Variants in CSMD1 observed in about 807,000 individuals in gnomAD.
The protein encoded by CSMD1 is CUB and sushi domain-containing protein 1.
CSMD1 carries 213 observed loss-of-function variants against 417.5 expected under a neutral mutation model. The observed-to-expected ratio is 0.51, with a 90% CI of 0.46 to 0.57. The LOEUF is 0.57. Ranked by LOEUF, CSMD1 falls within the 20% of genes least tolerant of loss-of-function variation. The pLI is 0.00. For missense variants in CSMD1, 6,923 were observed against 4,529.7 expected, an observed-to-expected ratio of 1.53 and a Z score of -15.17; for synonymous variants, 2,862 against 1,736.8, an observed-to-expected ratio of 1.65 and a Z score of -16.11.
intron 5 of CSMD1, among the ~76,000 whole-genome samples, chr8:3,856,735 G>C (rs1480807434): frequency 6.6e-6 from 1 of 152,096 alleles, no homozygotes; most frequent in Non-Finnish European, 1.5e-5. Flanking sequence ...ATCTTTCAAA[G>C]CCTGTGTTTC....
At chr8:3,266,749 T>A (rs1308855119) in intron 26 of CSMD1, among the ~76,000 whole-genome samples, 1 of 147,636 alleles carries the variant, frequency 6.8e-6, no homozygotes. Flanking sequence ...CACTCCAGCC[T>A]GGGCGAAAGA....
intron 49 of CSMD1, among the ~76,000 whole-genome samples, chr8:3,061,621 A>G (rs190989933): frequency 5.4e-4 from 83 of 152,304 alleles, no homozygotes; most frequent in Non-Finnish European, 9.6e-4. Context: ...GCACCGATCC[A>G]TATACAATAA....
At chr8:4,207,015 C>T (rs1205972013) in intron 3 of CSMD1, among the ~76,000 whole-genome samples, 2 of 152,114 alleles carry the variant, frequency 1.3e-5, no homozygotes, top group South Asian at 2.1e-4. Context: ...GATAAGATCA[C>T]ATATTCCTCT....
chr8:3,444,697 T>C (rs1470082513), intron 12 of CSMD1, among the ~76,000 whole-genome samples: 1 of 152,190 alleles, frequency 6.6e-6, no homozygotes, highest in East Asian at 1.9e-4. Flanking sequence ...GAGGAGGCTA[T>C]GAAAACTTCC....
intron 1 of CSMD1, among the ~76,000 whole-genome samples, chr8:4,760,915 T>C (rs1229962168): frequency 1.3e-5 from 2 of 152,172 alleles, no homozygotes; most frequent in Non-Finnish European, 2.9e-5. Flanking sequence ...TATGGTAGCA[T>C]ATCTTTCTCA....
intron 5 of CSMD1, among the ~76,000 whole-genome samples, chr8:3,940,036 C>T (rs1323059312): frequency 6.6e-6 from 1 of 151,952 alleles, no homozygotes; most frequent in Non-Finnish European, 1.5e-5. Flanking sequence ...ATGTTTTAAA[C>T]AGAAATACTG....
At chr8:3,022,941 C>CAAT (rs1380830234) in intron 51 of CSMD1, among the ~76,000 whole-genome samples, 1 of 152,170 alleles carries the variant, frequency 6.6e-6, no homozygotes, top group African/African-American at 2.4e-5. Flanking sequence ...AATGTTCAAA[C>CAAT]ATGAAATCAG....
intron 1 of CSMD1, among the ~76,000 whole-genome samples, chr8:4,662,150 C>T (rs933240641): frequency 6.6e-6 from 1 of 152,042 alleles, no homozygotes; most frequent in Non-Finnish European, 1.5e-5. Context: ...ATATAAATTT[C>T]AAAGGAAATG....
chr8:3,683,565 A>T (rs1297374212), intron 7 of CSMD1, among the ~76,000 whole-genome samples: 2 of 152,192 alleles, frequency 1.3e-5, no homozygotes, highest in Non-Finnish European at 2.9e-5. Flanking sequence ...CAAAAGAAAA[A>T]TGAAATATGT....
At chr8:3,998,863 A>C (rs895242901) in intron 4 of CSMD1, among the ~76,000 whole-genome samples, 27 of 150,246 alleles carry the variant, frequency 1.8e-4, no homozygotes, top group African/African-American at 6.1e-4. Flanking sequence ...ATTTTAAACT[A>C]TATATAGTTG....
chr8:3,122,305 T>A (rs1817256213), intron 41 of CSMD1, among the ~76,000 whole-genome samples: 1 of 152,236 alleles, frequency 6.6e-6, no homozygotes, highest in Non-Finnish European at 1.5e-5. Flanking sequence ...AATGAATGAA[T>A]GTTCCAGTGC....
At chr8:3,655,064 A>G (rs576776815) in intron 7 of CSMD1, among the ~76,000 whole-genome samples, 1 of 152,364 alleles carries the variant, frequency 6.6e-6, no homozygotes, top group Admixed American at 6.5e-5. Flanking sequence ...GAAATAATTT[A>G]AAGAATGTTT....
chr8:3,247,322 G>A (rs892948892), intron 26 of CSMD1, among the ~76,000 whole-genome samples: 4 of 152,190 alleles, frequency 2.6e-5, no homozygotes, highest in African/African-American at 9.7e-5. Flanking sequence ...CCTGGACGCA[G>A]ACTCCTCCTG....
chr8:4,832,038 T>C (rs920702510), intron 1 of CSMD1, among the ~76,000 whole-genome samples: 3 of 152,210 alleles, frequency 2.0e-5, no homozygotes, highest in African/African-American at 4.8e-5. Context: ...CAATGCCACA[T>C]GTTACCTTAC....
At chr8:4,031,388 G>C (rs555393055) in intron 4 of CSMD1, among the ~76,000 whole-genome samples, 10 of 152,202 alleles carry the variant, frequency 6.6e-5, no homozygotes, top group Non-Finnish European at 1.0e-4. Context: ...AGCAGGCAAA[G>C]AGAGAGCTTG....
At chr8:3,636,245 C>G (rs1026477787) in intron 7 of CSMD1, among the ~76,000 whole-genome samples, 1 of 152,164 alleles carries the variant, frequency 6.6e-6, no homozygotes, top group Admixed American at 6.5e-5. Flanking sequence ...CTGTCATTTT[C>G]TAGGACAACG....
chr8:3,079,505 T>A (rs1038272387), intron 49 of CSMD1, among the ~76,000 whole-genome samples: 37 of 152,274 alleles, frequency 2.4e-4, no homozygotes, highest in Non-Finnish European at 4.3e-4. Flanking sequence ...GATATGCATA[T>A]AAAAAAATCA....
intron 10 of CSMD1, among the ~76,000 whole-genome samples, chr8:3,528,335 T>C (rs1563124538): frequency 1.3e-5 from 2 of 152,176 alleles, no homozygotes; most frequent in African/African-American, 4.8e-5. Context: ...CCTCTCTATT[T>C]ATACCAAAGG....
At chr8:4,941,526 G>C (rs1417047763) in intron 1 of CSMD1, among the ~76,000 whole-genome samples, 1 of 151,898 alleles carries the variant, frequency 6.6e-6, no homozygotes, top group African/African-American at 2.4e-5. Flanking sequence ...AACTTGTTGT[G>C]TTTCTTCTGC....
Sources: gnomAD v4.1 joint callset for allele counts (sites outside exome capture counted in the v4.1 genomes callset) on GRCh38, gnomAD v4.1.1 for gene constraint, MANE v1.5 for transcripts, NCBI Gene and HGNC (gene_info 2026-07-23, HGNC 2026-07-21) for gene names.